The following TMEM217B variants were observed in gnomAD, a reference collection of about 807,000 sequenced individuals.
TMEM217B encodes the protein putative transmembrane protein 217B.
At chr6:37,229,174 T>G in the TMEM217B span, among the ~76,000 whole-genome samples, 1 of 151,946 alleles carries the variant, frequency 6.6e-6, no homozygotes, top group Non-Finnish European at 1.5e-5. Flanking sequence ...GTATTATTTA[T>G]GCATTCAGGC....
At chr6:37,215,114 CTT>C in the TMEM217B span, 21 of 1,568,514 alleles carry the variant, frequency 1.3e-5, no homozygotes, top group East Asian at 6.9e-5. Flanking sequence ...GCACCTCTCT[CTT>C]GGGTCACTAT....
the TMEM217B span, chr6:37,257,637 C>T: frequency 1.1e-4 from 48 of 450,612 alleles, 1 homozygote; most frequent in South Asian, 1.5e-3. Flanking sequence ...CCGCCTTCCC[C>T]GTCCACCTGT....
At chr6:37,231,760 A>G in the TMEM217B span, among the ~76,000 whole-genome samples, 1 of 147,332 alleles carries the variant, frequency 6.8e-6, no homozygotes, top group Non-Finnish European at 1.5e-5. Context: ...ATGTTATTAT[A>G]TATAATATAT....
the TMEM217B span, among the ~76,000 whole-genome samples, chr6:37,233,074 G>A: frequency 6.6e-6 from 1 of 152,160 alleles, no homozygotes; most frequent in Admixed American, 6.5e-5. Flanking sequence ...TGGAGCTTTA[G>A]TTGACATACT....
the TMEM217B span, chr6:37,213,144 C>G: frequency 1.6e-6 from 1 of 627,684 alleles, no homozygotes; most frequent in Non-Finnish European, 2.8e-6. Flanking sequence ...GACATGGGGT[C>G]TGGCCCGTGC....
At chr6:37,216,914 C>T in the TMEM217B span, among the ~76,000 whole-genome samples, 3 of 152,156 alleles carry the variant, frequency 2.0e-5, no homozygotes, top group African/African-American at 7.2e-5. Context: ...CAGGCCCTTA[C>T]CAGACACCAA....
chr6:37,218,251 C>T, the TMEM217B span: 1 of 1,279,446 alleles, frequency 7.8e-7, no homozygotes, highest in East Asian at 2.8e-5. Context: ...CTCACTGCAA[C>T]CTCCACCTCC....
chr6:37,214,257 T>G, the TMEM217B span, among the ~76,000 whole-genome samples: 1 of 152,170 alleles, frequency 6.6e-6, no homozygotes, highest in Non-Finnish European at 1.5e-5. Context: ...CGACAGAGTC[T>G]TGCTCTGTCA....
At chr6:37,214,043 CAGGCTGCCACT>C in the TMEM217B span, among the ~76,000 whole-genome samples, 1 of 152,240 alleles carries the variant, frequency 6.6e-6, no homozygotes, top group South Asian at 2.1e-4. Context: ...AGAGCACAGA[CAGGCTGCCACT>C]AGCCTCCCTC....
At chr6:37,212,402 C>T in the TMEM217B span, 6 of 393,918 alleles carry the variant, frequency 1.5e-5, no homozygotes, top group East Asian at 3.6e-4. Context: ...CCTTTCCTGG[C>T]ATCTGGCATG....
At chr6:37,230,349 G>C in the TMEM217B span, among the ~76,000 whole-genome samples, 1 of 152,210 alleles carries the variant, frequency 6.6e-6, no homozygotes, top group African/African-American at 2.4e-5. Context: ...ATACGAGGGG[G>C]CAAAGGCCAT....
chr6:37,218,635 C>T, the TMEM217B span: 4 of 1,613,980 alleles, frequency 2.5e-6, no homozygotes, highest in African/African-American at 1.3e-5. Context: ...TACGAGACAC[C>T]AAGCCAAACC....
At chr6:37,231,469 T>C in the TMEM217B span, among the ~76,000 whole-genome samples, 5 of 150,338 alleles carry the variant, frequency 3.3e-5, no homozygotes, top group African/African-American at 9.7e-5. Flanking sequence ...GGTCAGGAGA[T>C]GGAGACCATC....
the TMEM217B span, among the ~76,000 whole-genome samples, chr6:37,227,242 C>T: frequency 6.6e-6 from 1 of 152,160 alleles, no homozygotes; most frequent in Non-Finnish European, 1.5e-5. Flanking sequence ...TTAGAGTAGG[C>T]CTTTGGTCAG....
At chr6:37,232,372 T>C in the TMEM217B span, among the ~76,000 whole-genome samples, 2 of 152,254 alleles carry the variant, frequency 1.3e-5, no homozygotes, top group Admixed American at 6.5e-5. Flanking sequence ...AATAGTTTTT[T>C]CTGTTTTGTT....
the TMEM217B span, among the ~76,000 whole-genome samples, chr6:37,237,239 C>G: frequency 6.6e-6 from 1 of 152,238 alleles, no homozygotes; most frequent in Middle Eastern, 3.4e-3. Flanking sequence ...ATCAAAGTTC[C>G]CGCATTTGCC....
chr6:37,226,519 G>A, the TMEM217B span, among the ~76,000 whole-genome samples: 2 of 150,300 alleles, frequency 1.3e-5, no homozygotes, highest in African/African-American at 2.5e-5. Context: ...GGATGGTCTC[G>A]ATCTCCTGAC....
At chr6:37,254,628 A>T in the TMEM217B span, among the ~76,000 whole-genome samples, 2 of 152,264 alleles carry the variant, frequency 1.3e-5, no homozygotes, top group Non-Finnish European at 2.9e-5. Context: ...ACATAAAAAT[A>T]TGTGAACAAC....
the TMEM217B span, among the ~76,000 whole-genome samples, chr6:37,224,623 A>AG: frequency 6.7e-6 from 1 of 149,786 alleles, no homozygotes; most frequent in African/African-American, 2.5e-5. Flanking sequence ...ACGAAAAAAA[A>AG]ACCTTTTATT....
Sources: gnomAD v4.1 joint callset for allele counts (sites outside exome capture counted in the v4.1 genomes callset) on GRCh38, gnomAD v4.1.1 for gene constraint, MANE v1.5 for transcripts, NCBI Gene and HGNC (gene_info 2026-07-23, HGNC 2026-07-21) for gene names.